Variants in RASA3 observed in about 807,000 individuals in gnomAD.
RASA3 encodes RAS p21 protein activator 3.
In RASA3, 73 loss-of-function variants were observed where a neutral mutation model predicts 110.0. The ratio of observed to expected loss-of-function variants is 0.66; its 90% confidence interval spans 0.55 to 0.81. The LOEUF is 0.81. Ranked by LOEUF, RASA3 falls within the 30% of genes least tolerant of loss-of-function variation. The probability of loss-of-function intolerance (pLI) is 0.00; values close to 1 mark genes in which losing one functional copy is unlikely to be tolerated. For missense variants in RASA3, 976 were observed against 1,113.2 expected, an observed-to-expected ratio of 0.88 and a Z score of 1.75; for synonymous variants, 500 against 451.4, an observed-to-expected ratio of 1.11 and a Z score of -1.37.
intron 2 of RASA3, among the ~76,000 whole-genome samples, chr13:114,070,493 C>T (rs1594420520): frequency 6.6e-6 from 1 of 152,138 alleles, no homozygotes; most frequent in East Asian, 1.9e-4. Context: ...AAGTACCTTT[C>T]CTGCCAACTT....
rs776267963 is a variant in RASA3, at chr13:114,000,811, G to A, written c.1849+15C>T. On this transcript the variant is annotated intron_variant, in intron 19 of 23. Coordinates refer to ENST00000334062, the MANE Select transcript of RASA3 (RefSeq NM_007368.4). ...CGCTCCAGCAAGAGCCAGGGAAAGC[G>A]ACCTTGCTCCTTACCTTTGCTTTTG... is the stretch of plus-strand genomic sequence containing the variant. 46 of 1,572,028 alleles carry A rather than the reference G, an allele frequency of 2.9e-5. No individual in the cohort carries two copies. Among genetic ancestry groups the A allele is most frequent in the Admixed American group, 5.0e-5 (3 of 59,978 alleles).
intron 1 of RASA3, among the ~76,000 whole-genome samples, chr13:114,103,435 CGGGGGACG>C (rs1257807468): frequency 5.9e-5 from 9 of 152,154 alleles, no homozygotes; most frequent in East Asian, 1.9e-4. Context: ...GGCTCCCAGA[CGGGGGACG>C]GGGGGACGGG....
At chr13:114,067,750 A>G (rs1441627457) in intron 2 of RASA3, among the ~76,000 whole-genome samples, 1 of 152,238 alleles carries the variant, frequency 6.6e-6, no homozygotes, top group Non-Finnish European at 1.5e-5. Context: ...CACCCAGAAG[A>G]GCTCAGAGCC....
intron 11 of RASA3, 122 bp downstream of exon 11, chr13:114,017,982 G>A (rs757704127): frequency 8.8e-7 from 1 of 1,138,750 alleles, no homozygotes; most frequent in Non-Finnish European, 1.2e-6. Flanking sequence ...GAATCAACAT[G>A]GTTTCTGGGG....
intron 1 of RASA3, among the ~76,000 whole-genome samples, chr13:114,094,157 C>A (rs563970369): frequency 2.4e-4 from 37 of 152,268 alleles, no homozygotes; most frequent in African/African-American, 7.9e-4. Flanking sequence ...CACAGAGAGA[C>A]TTTTGACTGT....
At chr13:114,094,045 G>A (rs750250083) in intron 1 of RASA3, among the ~76,000 whole-genome samples, 2 of 151,932 alleles carry the variant, frequency 1.3e-5, no homozygotes, top group Non-Finnish European at 2.9e-5. Context: ...TCATGTTAGG[G>A]CCCGTCTCTC....
At chr13:113,980,867 A>C (rs1442472663) in intron 23 of RASA3, among the ~76,000 whole-genome samples, 1 of 152,170 alleles carries the variant, frequency 6.6e-6, no homozygotes, top group African/African-American at 2.4e-5. Context: ...AGGAGGGAGA[A>C]GAAGGGTGGA....
intron 2 of RASA3, among the ~76,000 whole-genome samples, chr13:114,061,202 C>T (rs989380498): frequency 6.6e-6 from 1 of 152,210 alleles, no homozygotes; most frequent in Non-Finnish European, 1.5e-5. Context: ...CCCTTCTCCA[C>T]CCCCGCCACG....
At position 114,057,909 on chromosome 13, in the gene RASA3, GGGTA is replaced by G. The variant is rs1264340841; in HGVS notation, c.174-5758_174-5755del. ...GAGAGCTGCCATCCTAGCGCACACTGGGTAGATGCAGGTGTTTCCAATGTGCTGA... is the reference window on the plus strand; with the variant it reads ...GAGAGCTGCCATCCTAGCGCACACTGGATGCAGGTGTTTCCAATGTGCTGA... On this transcript the variant is annotated intron_variant, in intron 2 of 23. Transcript: ENST00000334062. This position sits in a 1 kb window ranked among gnomAD's most constrained non-coding sequence, Gnocchi z 5.0. Among the ~76,000 whole-genome samples, 6 of 152,190 alleles carry G rather than the reference GGGTA, an allele frequency of 3.9e-5. No individual in the cohort carries two copies. Among genetic ancestry groups the G allele is most frequent in the African/African-American group, 1.4e-4 (6 of 41,450 alleles).
chr13:113,982,758 G>A (rs932322551), intron 22 of RASA3, among the ~76,000 whole-genome samples: 35 of 152,370 alleles, frequency 2.3e-4, no homozygotes, highest in Non-Finnish European at 4.4e-4. Context: ...GTGACAAGGC[G>A]TGAGGGTGGA....
intron 1 of RASA3, among the ~76,000 whole-genome samples, chr13:114,129,599 T>G (rs944972245): frequency 1.3e-5 from 2 of 152,220 alleles, no homozygotes; most frequent in African/African-American, 4.8e-5. Flanking sequence ...CCCAGAAATG[T>G]GCTGGCTTTT....
At chr13:114,022,728 A>G (rs1018530913) in intron 8 of RASA3, among the ~76,000 whole-genome samples, 5 of 152,234 alleles carry the variant, frequency 3.3e-5, no homozygotes, top group African/African-American at 4.8e-5. Context: ...AGGCAGGCGC[A>G]TTTGCCTTTA....
rs1343304611 is a variant in RASA3, at chr13:114,102,255, T to TGGGCAGGCAGC, written c.56-28429_56-28419dup. ...CAGCAGGTGGGCGGTAGGCGGGCAG[T>TGGGCAGGCAGC]GGGCAGGCAGCGGGCTGAGAAGCAG... On this transcript the variant is annotated intron_variant, in intron 1 of 23. Transcript: ENST00000334062. Among the ~76,000 whole-genome samples the TGGGCAGGCAGC allele has an allele frequency of 4.6e-5, 7 of 151,748 alleles. No individual in the cohort carries two copies. In the East Asian group the frequency reaches 1.4e-3, roughly 29 times the overall value.
intron 3 of RASA3, among the ~76,000 whole-genome samples, chr13:114,045,403 C>T (rs887185483): frequency 6.6e-6 from 1 of 152,164 alleles, no homozygotes; most frequent in African/African-American, 2.4e-5. Flanking sequence ...AAAGGAGGAG[C>T]CAGGGGTCTG....
In RASA3 at chr13:114,114,057, A is replaced by G. The variant is rs9525270; in HGVS notation, c.55+18378T>C. Among the ~76,000 whole-genome samples the G allele has an allele frequency of 5.5e-3, 775 of 140,038 alleles. 7 individuals carry two copies. Among genetic ancestry groups the G allele is most frequent in the Admixed American group, 9.1e-3 (130 of 14,290 alleles). The allele number at this position is 140,038 out of a possible 152,430, so 91.9% of individuals were successfully genotyped here. On this transcript the variant is annotated intron_variant, in intron 1 of 23. Transcript: ENST00000334062. This position sits in a 1 kb window ranked among gnomAD's most constrained non-coding sequence, Gnocchi z 4.8. ...GTGATGTCCGTATAGCTCACACCGC[A>G]TCCATCAATCCACCCACCACAGCAA...
At chr13:114,022,716 C>T (rs371164269) in intron 8 of RASA3, among the ~76,000 whole-genome samples, 2 of 152,186 alleles carry the variant, frequency 1.3e-5, no homozygotes, top group African/African-American at 4.8e-5. Flanking sequence ...TGCTGAGTGG[C>T]CAGGCAGGCG....
chr13:114,019,241 C>A (rs1322285995), intron 9 of RASA3, among the ~76,000 whole-genome samples: 3 of 152,256 alleles, frequency 2.0e-5, no homozygotes, highest in Non-Finnish European at 1.5e-5. Context: ...AAGACCCACA[C>A]CCAGCAGTGT....
chr13:114,013,967 T>TCTCGATCTCTCTCTCC (rs2053728278), intron 14 of RASA3, among the ~76,000 whole-genome samples: 9 of 130,314 alleles, frequency 6.9e-5, no homozygotes, highest in African/African-American at 9.8e-5. Context: ...TCTCTCTCTC[T>TCTCGATCTCTCTCTCC]CTCCGTCTCG....
chr13:114,100,529 G>A (rs949839881), intron 1 of RASA3, among the ~76,000 whole-genome samples: 1 of 152,236 alleles, frequency 6.6e-6, no homozygotes, highest in Non-Finnish European at 1.5e-5. Flanking sequence ...CCCCTGCGCT[G>A]CGCCCCACGG....
Sources: allele counts gnomAD v4.1 joint callset (sites outside exome capture counted in the v4.1 genomes callset), GRCh38; gene constraint gnomAD v4.1.1; non-coding constraint Gnocchi (gnomAD v3.1); transcripts MANE v1.5; gene names NCBI Gene and HGNC (gene_info 2026-07-23, HGNC 2026-07-21).